Variants in CHCHD6 observed in about 807,000 individuals in gnomAD.
CHCHD6 encodes the protein coiled-coil-helix-coiled-coil-helix domain containing 6.
In CHCHD6, 28 loss-of-function variants were observed where a neutral mutation model predicts 32.3. That is an observed-to-expected ratio of 0.87 (90% CI 0.64 to 1.19). The LOEUF (loss-of-function observed/expected upper bound fraction) is 1.19. Among genes scored for constraint, CHCHD6 ranks in the 50% most tolerant of loss-of-function variants. CHCHD6 has a pLI of 0.00. For missense variants in CHCHD6, 333 were observed against 307.0 expected (o/e 1.08, Z -0.63); for synonymous variants, 122 against 117.5 (o/e 1.04, Z -0.25).
chr3:126,914,718 T>C lies in CHCHD6; in HGVS notation c.534T>C (p.His178=), dbSNP rs1347157241. The C allele has an allele frequency of 3.1e-6, 5 of 1,596,854 alleles. No homozygotes were observed. The Admixed American group carries it at 6.7e-5, about 21-fold the overall frequency. ...EMYKLSSEQF[H]EAASKMESTI... ...ATAAACTGTCTTCAGAGCAATTCCA[T>C]GAGGCAGCCTCAAAGATGGAGAGCA... The change falls in exon 6 of 8, where the codon CAT becomes CAC. Residue 178 remains histidine (H), a synonymous_variant. Transcript: ENST00000290913.
intron 5 of CHCHD6, among the ~76,000 whole-genome samples, chr3:126,898,634 G>T (rs2077876046): frequency 6.6e-6 from 1 of 152,142 alleles, no homozygotes; most frequent in Non-Finnish European, 1.5e-5. Context: ...TGCCTCCCAG[G>T]TTCAAGCGAT....
chr3:126,891,582 T>G (rs2107578283), intron 5 of CHCHD6, among the ~76,000 whole-genome samples: 1 of 152,254 alleles, frequency 6.6e-6, no homozygotes, highest in East Asian at 1.9e-4. Flanking sequence ...TGGCTGCAGC[T>G]GCCTTGAGGA....
rs568546249 is a variant in CHCHD6 at position 126,897,129 on chromosome 3, G to A, written c.496-17551G>A. ...CTGATGTGTGGCCCGTGCTGTTCGG[G>A]GAGAGAGAGAGCCATGCTGACAGGG... On this transcript the variant is annotated intron_variant, in intron 5 of 7. Coordinates refer to ENST00000290913, the MANE Select transcript of CHCHD6 (RefSeq NM_032343.3). Among the ~76,000 whole-genome samples the A allele has an allele frequency of 4.6e-5, 7 of 152,242 alleles. No individual in the cohort carries two copies. In the East Asian group the frequency reaches 1.2e-3, roughly 25 times the overall value.
chr3:126,882,141 G>A (rs1362489987), intron 5 of CHCHD6, among the ~76,000 whole-genome samples: 1 of 152,190 alleles, frequency 6.6e-6, no homozygotes, highest in Non-Finnish European at 1.5e-5. Context: ...TTAAGTTACT[G>A]CCGTCAGGGG....
chr3:126,898,681 G>A (rs1362839224), intron 5 of CHCHD6, among the ~76,000 whole-genome samples: 2 of 152,102 alleles, frequency 1.3e-5, no homozygotes, highest in African/African-American at 4.8e-5. Flanking sequence ...TGGGATTATA[G>A]GCACCCGTCC....
chr3:126,945,838 T>C (rs2078629977), intron 6 of CHCHD6, among the ~76,000 whole-genome samples: 1 of 150,118 alleles, frequency 6.7e-6, no homozygotes. Flanking sequence ...TTGGGGAGAC[T>C]TGAGGGGGGA....
chr3:126,819,807 G>C (rs1342411589), intron 4 of CHCHD6, among the ~76,000 whole-genome samples: 2 of 152,242 alleles, frequency 1.3e-5, no homozygotes, highest in Non-Finnish European at 2.9e-5. Context: ...AACATGGAAA[G>C]GCAGCATGCC....
At chr3:126,933,849 T>C (rs2078439614) in intron 6 of CHCHD6, among the ~76,000 whole-genome samples, 1 of 152,352 alleles carries the variant, frequency 6.6e-6, no homozygotes, top group African/African-American at 2.4e-5. Context: ...TTGATGTTTT[T>C]ATTTATCTTT....
At chr3:126,931,267 G>A (rs1384050313) in intron 6 of CHCHD6, among the ~76,000 whole-genome samples, 2 of 152,254 alleles carry the variant, frequency 1.3e-5, no homozygotes, top group African/African-American at 4.8e-5. Flanking sequence ...GGGACCAGGG[G>A]CAGGGAGTGC....
At chr3:126,731,346 C>T (rs1013973637) in intron 3 of CHCHD6, among the ~76,000 whole-genome samples, 12 of 152,140 alleles carry the variant, frequency 7.9e-5, no homozygotes, top group African/African-American at 1.9e-4. Flanking sequence ...TTCCTGTCGC[C>T]GGAGAAGTTT....
chr3:126,952,140 T>G (rs1235684249), intron 6 of CHCHD6, among the ~76,000 whole-genome samples: 2 of 152,144 alleles, frequency 1.3e-5, no homozygotes, highest in African/African-American at 4.8e-5. Context: ...AAAGCATCAC[T>G]GTTGCTGGAA....
intron 4 of CHCHD6, among the ~76,000 whole-genome samples, chr3:126,794,515 T>C (rs1051253002): frequency 2.6e-5 from 4 of 151,630 alleles, no homozygotes; most frequent in Non-Finnish European, 4.4e-5. Context: ...CTAGTTCTTA[T>C]TTTTTAAATT....
At chr3:126,741,673 GA>G (rs1158286000) in intron 4 of CHCHD6, among the ~76,000 whole-genome samples, 2 of 152,202 alleles carry the variant, frequency 1.3e-5, no homozygotes, top group East Asian at 3.9e-4. Flanking sequence ...AACTGGATAA[GA>G]CTCTTGGATG....
At chr3:126,804,296 C>T (rs1221399355) in intron 4 of CHCHD6, among the ~76,000 whole-genome samples, 2 of 151,746 alleles carry the variant, frequency 1.3e-5, no homozygotes, top group African/African-American at 4.8e-5. Context: ...AAAGGATCAA[C>T]AAAATTGATA....
intron 5 of CHCHD6, among the ~76,000 whole-genome samples, chr3:126,856,210 C>A (rs1306286635): frequency 6.6e-6 from 1 of 152,190 alleles, no homozygotes; most frequent in Non-Finnish European, 1.5e-5. Flanking sequence ...ACATTCAAAG[C>A]CTTCCTGGGC....
At chr3:126,901,302 AGG>A (rs2077924384) in intron 5 of CHCHD6, among the ~76,000 whole-genome samples, 1 of 152,150 alleles carries the variant, frequency 6.6e-6, no homozygotes, top group Admixed American at 6.5e-5. Flanking sequence ...CTCTGACGGG[AGG>A]CGCTGTCTGT....
At chr3:126,767,676 C>T (rs1559831944) in intron 4 of CHCHD6, among the ~76,000 whole-genome samples, 1 of 152,112 alleles carries the variant, frequency 6.6e-6, no homozygotes, top group Admixed American at 6.5e-5. Flanking sequence ...GTTTGGTGTA[C>T]TAATAATTTC....
chr3:126,764,178 C>CACAT (rs1254601874), intron 4 of CHCHD6, among the ~76,000 whole-genome samples: 11 of 140,740 alleles, frequency 7.8e-5, no homozygotes, highest in Non-Finnish European at 9.1e-5. Flanking sequence ...CACATATATA[C>CACAT]ACATACATAC....
At chr3:126,809,272 G>A (rs946726470) in intron 4 of CHCHD6, among the ~76,000 whole-genome samples, 8 of 152,166 alleles carry the variant, frequency 5.3e-5, no homozygotes, top group African/African-American at 1.9e-4. Context: ...CCTGGCCTGA[G>A]CAGTCTGCTT....
Sources: gnomAD v4.1 joint callset for allele counts (sites outside exome capture counted in the v4.1 genomes callset) on GRCh38, gnomAD v4.1.1 for gene constraint, MANE v1.5 for transcripts, NCBI Gene and HGNC (gene_info 2026-07-23, HGNC 2026-07-21) for gene names.